Variants in CALM2 observed in about 807,000 individuals in gnomAD.
CALM2 encodes the protein calmodulin-2.
CALM2 carries 2 observed loss-of-function variants against 19.8 expected under a neutral mutation model. That is an observed-to-expected ratio of 0.10 (90% CI 0.04 to 0.32). The LOEUF (loss-of-function observed/expected upper bound fraction) is 0.32. Among genes scored for constraint, CALM2 ranks in the 10% least tolerant of loss-of-function variants. CALM2 has a pLI of 1.00. For missense variants in CALM2, 38 were observed against 178.7 expected (o/e 0.21, Z 4.49); for synonymous variants, 51 against 52.1 (o/e 0.98, Z 0.09).
rs2103844496 is a variant in CALM2, at chr2:47,170,717, A to G, written c.34+17T>C. ...AATAAGAATCTAATGGGTACAATCTAGCTGAGTATTTCTCACCTGCAATCT... is the reference window on the plus strand; with the variant it reads ...AATAAGAATCTAATGGGTACAATCTGGCTGAGTATTTCTCACCTGCAATCT... On this transcript the variant is annotated intron_variant, in intron 2 of 5. Coordinates refer to ENST00000272298, the MANE Select transcript of CALM2 (RefSeq NM_001743.6). The G allele has an allele frequency of 1.9e-6, 3 of 1,600,808 alleles. No individual in the cohort carries two copies. Among genetic ancestry groups the G allele is most frequent in the Non-Finnish European group, 2.6e-6 (3 of 1,167,864 alleles).
intron 2 of CALM2, chr2:47,162,922 T>G: frequency 3.2e-6 from 1 of 315,040 alleles, no homozygotes; most frequent in Non-Finnish European, 5.8e-6. Context: ...TACCTTATGA[T>G]AATATTTCAA....
At chr2:47,168,592 G>T (rs1057175263) in intron 2 of CALM2, among the ~76,000 whole-genome samples, 7 of 151,972 alleles carry the variant, frequency 4.6e-5, no homozygotes, top group African/African-American at 1.5e-4. Flanking sequence ...TACAAAAATA[G>T]CCAGGTGGTG....
At chr2:47,170,476 A>C (rs1409925920) in intron 2 of CALM2, among the ~76,000 whole-genome samples, 4 of 152,178 alleles carry the variant, frequency 2.6e-5, no homozygotes, top group Non-Finnish European at 5.9e-5. Flanking sequence ...CCACCACTAC[A>C]CCACAAGGCT....
chr2:47,164,250 A>AAG (rs1553432010), intron 2 of CALM2, among the ~76,000 whole-genome samples: 2 of 77,758 alleles, frequency 2.6e-5, no homozygotes, highest in African/African-American at 6.1e-5. Context: ...AAAAAAAAAA[A>AAG]AAGAAGAAAA....
In CALM2 at chr2:47,162,897, A is replaced by G. The variant is rs1687199296; in HGVS notation, c.35-235T>C. On this transcript the variant is annotated intron_variant, in intron 2 of 5. Coordinates refer to ENST00000272298, the MANE Select transcript of CALM2 (RefSeq NM_001743.6). ...AATGTGACTTTGACTCCTAAAGATT[A>G]ACCAATCTTTATGATACCTTATGAT... The G allele has an allele frequency of 1.4e-5, 6 of 415,134 alleles. No individual in the cohort carries two copies. The South Asian group carries it at 2.2e-4, about 15-fold the overall frequency. 25.7% of individuals were successfully genotyped at this position (415,134 alleles called of 1,614,324 possible).
At chr2:47,167,080 G>C (rs760787081) in intron 2 of CALM2, among the ~76,000 whole-genome samples, 20 of 152,068 alleles carry the variant, frequency 1.3e-4, no homozygotes, top group African/African-American at 3.9e-4. Flanking sequence ...TCAAATGACT[G>C]TTTATTAACT....
At chr2:47,166,107 G>T (rs1573220781) in intron 2 of CALM2, among the ~76,000 whole-genome samples, 1 of 152,272 alleles carries the variant, frequency 6.6e-6, no homozygotes, top group East Asian at 1.9e-4. Context: ...TGCTAACCTA[G>T]ATCAACCTAA....
intron 1 of CALM2, chr2:47,173,115 T>C (rs938324681): frequency 5.9e-5 from 9 of 152,140 alleles, no homozygotes; most frequent in African/African-American, 7.2e-5. Context: ...GTATTACTTA[T>C]CCAGAGTTCA....
intron 2 of CALM2, chr2:47,167,817 T>TTTTTTTTTTTTTTTTTTTTTTTTTTG (rs70940664): frequency 1.4e-5 from 2 of 142,978 alleles, no homozygotes; most frequent in Non-Finnish European, 1.5e-5. Context: ...TTCTTTTCTT[T>TTTTTTTTTTTTTTTTTTTTTTTTTTG]GAGACAGGGT....
chr2:47,176,400 C>T (rs772301319), intron 1 of CALM2, 41 bp downstream of exon 1: 1 of 1,610,548 alleles, frequency 6.2e-7, no homozygotes, highest in Non-Finnish European at 8.5e-7. Flanking sequence ...CAGTCTCTTC[C>T]CCCCACAGGC....
intron 2 of CALM2, 26 bp downstream of exon 2, chr2:47,170,708 G>A: frequency 1.3e-6 from 2 of 1,586,910 alleles, no homozygotes; most frequent in South Asian, 1.1e-5. Context: ...AATCTAATGG[G>A]TACAATCTAG....
intron 5 of CALM2, among the ~76,000 whole-genome samples, 181 bp downstream of exon 5, chr2:47,161,542 T>C (rs532281556): frequency 6.6e-6 from 1 of 152,276 alleles, no homozygotes; most frequent in Admixed American, 6.5e-5. Flanking sequence ...AGTTCTCAAG[T>C]CAGAGCAATG....
chr2:47,163,551 G>C (rs1666333306), intron 2 of CALM2: 1 of 151,684 alleles, frequency 6.6e-6, no homozygotes, highest in African/African-American at 2.4e-5. Context: ...TCCTGCCTCA[G>C]CCTCCCGAGT....
At chr2:47,172,441 T>A in intron 1 of CALM2, 1 of 917,546 alleles carries the variant, frequency 1.1e-6, no homozygotes, top group African/African-American at 1.7e-5. Flanking sequence ...CAAAGTGAGA[T>A]GCTATGTACA....
chr2:47,176,574 AT>A (rs1666882887), upstream of CALM2: 10 of 1,549,632 alleles, frequency 6.5e-6, no homozygotes, highest in Middle Eastern at 1.7e-4. Context: ...CCTCCGCCGC[AT>A]CCAGATAACG....
At chr2:47,160,842 CAA>C in intron 5 of CALM2, 38 bp from the exon 6 acceptor site, 1 of 462,730 alleles carries the variant, frequency 2.2e-6, no homozygotes, top group South Asian at 8.5e-5. Context: ...GAGTCAATAG[CAA>C]AAGACCAAAA....
In CALM2 at chr2:47,160,651, C is replaced by T. The variant is rs530457703; in HGVS notation, c.*125G>A. On this transcript the variant is annotated 3_prime_UTR_variant, in exon 6 of 6. Transcript: ENST00000272298. ...GGAAGAAAACATGGAGGAATGAAGT[C>T]CTAATTACTATACATGCATATTTTT... 23 of 550,444 alleles carry T rather than the reference C, an allele frequency of 4.2e-5. No individual in the cohort carries two copies. Among genetic ancestry groups the T allele is most frequent in the South Asian group, 1.1e-4 (4 of 36,056 alleles). The allele number at this position is 550,444 out of a possible 1,614,324, so 34.1% of individuals were successfully genotyped here.
At chr2:47,175,132 C>T (rs187092793) in intron 1 of CALM2, among the ~76,000 whole-genome samples, 1 of 129,166 alleles carries the variant, frequency 7.7e-6, no homozygotes, top group Non-Finnish European at 1.6e-5. Context: ...TCTGAGGTGA[C>T]CGGAAAATGC....
At position 47,161,824 on chromosome 2, in the gene CALM2, C is replaced by T; in HGVS notation, c.320G>A (p.Arg107His). The T allele has an allele frequency of 6.2e-7, 1 of 1,612,812 alleles. No individual in the cohort carries two copies. Among genetic ancestry groups the T allele is most frequent in the African/African-American group, 1.3e-5 (1 of 74,892 alleles). Residue 107 changes from arginine (R) to histidine (H), a missense_variant, in exon 5 of 6, where the codon CGC (arginine) becomes CAC (histidine). Arg to His is a conservative substitution (Grantham distance 29). Coordinates refer to ENST00000272298, the MANE Select transcript of CALM2 (RefSeq NM_001743.6). ...GNGYISAAELRHVMTNLGEKL... is the reference protein window; with the variant it reads ...GNGYISAAELHHVMTNLGEKL... ...CTCTCCAAGGTTTGTCATCACATGGCGAAGTTCTGCAGCACTAATATAGCC... is the reference window on the plus strand; with the variant it reads ...CTCTCCAAGGTTTGTCATCACATGGTGAAGTTCTGCAGCACTAATATAGCC...
Sources: allele counts gnomAD v4.1 joint callset (sites outside exome capture counted in the v4.1 genomes callset), GRCh38; gene constraint gnomAD v4.1.1; transcripts MANE v1.5; gene names NCBI Gene and HGNC (gene_info 2026-07-23, HGNC 2026-07-21).